The following NAA15 variants were observed in gnomAD, a reference collection of about 807,000 sequenced individuals.
NAA15 encodes the protein N-alpha-acetyltransferase 15, NatA auxiliary subunit, also known as N-terminal acetyltransferase.
Under a neutral mutation model 114.0 loss-of-function variants are expected in NAA15, and 34 were observed. The observed-to-expected ratio is 0.30, with a 90% CI of 0.23 to 0.40. The LOEUF is 0.40. NAA15 is among the 10% of genes least tolerant of loss of function. The pLI, the probability that NAA15 is intolerant of heterozygous loss-of-function variation, is 1.00. For synonymous variants in NAA15, 340 were observed against 338.0 expected (o/e 1.01, Z -0.06); for missense variants, 658 against 1,004.5 (o/e 0.66, Z 4.66).
intron 1 of NAA15, among the ~76,000 whole-genome samples, chr4:139,318,735 T>C (rs905584849): frequency 6.6e-6 from 1 of 151,844 alleles, no homozygotes; most frequent in African/African-American, 2.4e-5. Context: ...GTGCCTGTAA[T>C]CCCAGCTACT....
intron 1 of NAA15, among the ~76,000 whole-genome samples, chr4:139,322,330 G>A (rs1275552742): frequency 6.6e-6 from 1 of 152,222 alleles, no homozygotes; most frequent in East Asian, 1.9e-4. Context: ...TATAAGGCAT[G>A]CCTTTCACCT....
chr4:139,385,122 A>T, intron 18 of NAA15, 144 bp downstream of exon 18: 1 of 645,934 alleles, frequency 1.5e-6, no homozygotes, highest in Non-Finnish European at 2.3e-6. Flanking sequence ...AGGCAGCTTA[A>T]ATAAGCTTCC....
intron 1 of NAA15, among the ~76,000 whole-genome samples, chr4:139,309,917 C>T (rs1746160627): frequency 6.6e-6 from 1 of 152,002 alleles, no homozygotes; most frequent in Admixed American, 6.6e-5. Flanking sequence ...TATTGGGGCT[C>T]AAACTAGTTA....
intron 2 of NAA15, 140 bp from the exon 3 acceptor site, chr4:139,336,706 GAA>G: frequency 2.4e-6 from 1 of 423,184 alleles, no homozygotes; most frequent in Non-Finnish European, 4.0e-6. Flanking sequence ...CAAGAAAGTG[GAA>G]AGTATCTTAG....
At chr4:139,332,916 C>T (rs1460289857) in intron 1 of NAA15, among the ~76,000 whole-genome samples, 1 of 152,096 alleles carries the variant, frequency 6.6e-6, no homozygotes, top group African/African-American at 2.4e-5. Context: ...AGCAAAATGA[C>T]ATTTTGCGAG....
intron 9 of NAA15, among the ~76,000 whole-genome samples, chr4:139,352,355 C>T (rs1258411269): frequency 6.6e-6 from 1 of 151,994 alleles, no homozygotes; most frequent in African/African-American, 2.4e-5. Context: ...ATGATCCGCC[C>T]ACCTCGGCCT....
intron 1 of NAA15, chr4:139,302,526 C>G (rs917568578): frequency 6.6e-6 from 1 of 152,182 alleles, no homozygotes. Context: ...GGGAAACAGC[C>G]CCACCCCGTC....
At chr4:139,359,492 C>T (rs1022908344) in intron 11 of NAA15, among the ~76,000 whole-genome samples, 3 of 152,012 alleles carry the variant, frequency 2.0e-5, no homozygotes, top group Non-Finnish European at 4.4e-5. Flanking sequence ...TGGGCAATGG[C>T]GATATTAACA....
intron 6 of NAA15, among the ~76,000 whole-genome samples, chr4:139,346,241 ATG>A (rs1747578123): frequency 6.6e-6 from 1 of 152,182 alleles, no homozygotes; most frequent in Admixed American, 6.5e-5. Flanking sequence ...GGGCAAGTAA[ATG>A]TGTAGATGTA....
At chr4:139,347,977 A>G (rs1747643811) in intron 6 of NAA15, among the ~76,000 whole-genome samples, 1 of 149,214 alleles carries the variant, frequency 6.7e-6, no homozygotes, top group African/African-American at 2.5e-5. Context: ...GCTTGCAGTG[A>G]GCCGAGATTG....
At chr4:139,338,345 A>G in intron 3 of NAA15, among the ~76,000 whole-genome samples, 1 of 152,222 alleles carries the variant, frequency 6.6e-6, no homozygotes, top group East Asian at 1.9e-4. Flanking sequence ...TTATTTTTCA[A>G]ATAAAATTTG....
chr4:139,367,921 TG>T (rs966654393), intron 14 of NAA15, among the ~76,000 whole-genome samples: 1 of 152,236 alleles, frequency 6.6e-6, no homozygotes, highest in Non-Finnish European at 1.5e-5. Flanking sequence ...TCTGCTACTC[TG>T]TGGCTATTAC....
intron 15 of NAA15, among the ~76,000 whole-genome samples, chr4:139,373,287 G>A (rs559728943): frequency 4.6e-5 from 7 of 152,218 alleles, no homozygotes; most frequent in African/African-American, 1.7e-4. Flanking sequence ...ATTGCTTCTA[G>A]GCTACAAACC....
intron 17 of NAA15, chr4:139,379,158 G>A (rs1016696323): frequency 2.0e-5 from 4 of 200,622 alleles, no homozygotes; most frequent in Non-Finnish European, 4.0e-5. Context: ...AAACTTCTTA[G>A]TAAATTGTTT....
intron 1 of NAA15, among the ~76,000 whole-genome samples, chr4:139,303,391 G>A (rs1349108375): frequency 6.6e-6 from 1 of 152,100 alleles, no homozygotes; most frequent in Non-Finnish European, 1.5e-5. Flanking sequence ...GAAAAGTTGA[G>A]AGAACAAGGA....
chr4:139,342,543 G>A (rs951299985), intron 4 of NAA15, among the ~76,000 whole-genome samples: 2 of 140,326 alleles, frequency 1.4e-5, no homozygotes, highest in Non-Finnish European at 3.0e-5. Context: ...TCTGCCTCCC[G>A]GGTTCAAGTG....
At chr4:139,377,555 T>C (rs1748625152) in intron 16 of NAA15, among the ~76,000 whole-genome samples, 1 of 151,154 alleles carries the variant, frequency 6.6e-6, no homozygotes, top group African/African-American at 2.4e-5. Flanking sequence ...AAAAAGGTCA[T>C]GTTTATCAAA....
At chr4:139,315,103 C>T (rs1008999014) in intron 1 of NAA15, among the ~76,000 whole-genome samples, 3 of 139,904 alleles carry the variant, frequency 2.1e-5, no homozygotes, top group Admixed American at 7.1e-5. Flanking sequence ...CGCTCTTTCA[C>T]CCAGGCTGGA....
chr4:139,351,196 A>G lies in NAA15; in HGVS notation c.817A>G (p.Met273Val), dbSNP rs1345084426. ...GAATTTTTCTTTGTTTGCAGCTAAT[A>G]TGTTAGAACGGCTAAAAATTTATGA... is the stretch of plus-strand genomic sequence containing the variant. ...GLEKALKPAN[M>V]LERLKIYEEA... The change falls in exon 8 of 20, where the codon ATG (methionine) becomes GTG (valine). Residue 273 changes from methionine to valine, a missense_variant. By Grantham distance (21) the Met-to-Val change is conservative. Transcript: ENST00000296543. The G allele has an allele frequency of 3.2e-6, 5 of 1,582,268 alleles. No homozygotes were observed. Among genetic ancestry groups the G allele is most frequent in the Non-Finnish European group, 3.4e-6 (4 of 1,160,984 alleles).
Sources: gnomAD v4.1 joint callset for allele counts (sites outside exome capture counted in the v4.1 genomes callset) on GRCh38, gnomAD v4.1.1 for gene constraint, MANE v1.5 for transcripts, NCBI Gene and HGNC (gene_info 2026-07-23, HGNC 2026-07-21) for gene names.